PRKCSH: variants seen among roughly 807,000 people sequenced by gnomAD.
The protein encoded by PRKCSH is glucosidase 2 subunit beta.
A neutral mutation model predicts 79.7 loss-of-function variants in PRKCSH; 42 were observed. That is an observed-to-expected ratio of 0.53 (90% CI 0.41 to 0.68). PRKCSH has a LOEUF of 0.68. Among genes scored for constraint, PRKCSH ranks in the 30% least tolerant of loss-of-function variants. PRKCSH has a pLI of 0.00. For missense variants in PRKCSH, 686 were observed against 709.0 expected, an observed-to-expected ratio of 0.97 and a Z score of 0.37; for synonymous variants, 325 against 288.2, an observed-to-expected ratio of 1.13 and a Z score of -1.29.
At chr19:11,443,871 G>A (rs996900452) in intron 7 of PRKCSH, among the ~76,000 whole-genome samples, 10 of 151,986 alleles carry the variant, frequency 6.6e-5, no homozygotes, top group Non-Finnish European at 1.5e-4. Flanking sequence ...TACCTCCTGG[G>A]TTCAAGTGAT....
At chr19:11,443,560 A>T (rs79332927) in intron 7 of PRKCSH, among the ~76,000 whole-genome samples, 1 of 149,882 alleles carries the variant, frequency 6.7e-6, no homozygotes, top group East Asian at 2.0e-4. Flanking sequence ...AAAAAAAAAA[A>T]TTAGCCTGGC....
intron 3 of PRKCSH, among the ~76,000 whole-genome samples, chr19:11,437,583 C>T (rs1312686545): frequency 2.0e-5 from 3 of 151,752 alleles, no homozygotes; most frequent in Non-Finnish European, 4.4e-5. Context: ...AAACTCATCA[C>T]CTCAGGTGAC....
In PRKCSH at chr19:11,436,163, G is replaced by C; in HGVS notation, c.46G>C (p.Glu16Gln). 1 of 1,599,762 alleles carries C rather than the reference G, an allele frequency of 6.3e-7. No homozygotes were observed. The highest frequency in any genetic ancestry group is 8.5e-7 in the Non-Finnish European group (1 of 1,174,690). ...LLLLPMCWAV[E>Q]VKRPRGVSLT... is the part of the protein sequence containing the mutation. ...GCTGCTACCCATGTGCTGGGCCGTG[G>C]AGGTCAAGAGGCCCCGGGGCGTCTC... The change falls in exon 2 of 18, where the codon GAG becomes CAG. Residue 16 changes from glutamate (E) to glutamine (Q), a missense_variant. By Grantham distance (29) the Glu-to-Gln change is conservative. Coordinates refer to ENST00000677123, the MANE Select transcript of PRKCSH (RefSeq NM_001289104.2).
In PRKCSH at chr19:11,449,102, A is replaced by T. The variant is rs767813370; in HGVS notation, c.1388A>T (p.Asp463Val). ...ACCTGGGGCTCATGGATTGGCCCCG[A>T]CCACGACAAGTTCAGTGCCATGAAG... ...LGTWGSWIGP[D>V]HDKFSAMKYE... The change falls in exon 16 of 18, where the codon GAC (aspartate) becomes GTC (valine). Residue 463 changes from aspartate (D) to valine (V), a missense_variant. Around this residue, in one of 2 missense-constraint regions of PRKCSH, gnomAD observed 137 missense variants for 188.8 expected, o/e 0.73. Transcript: ENST00000677123. This position sits in a 1 kb window ranked among gnomAD's most constrained non-coding sequence, Gnocchi z 6.4. 1 of 1,613,576 alleles carries T rather than the reference A, an allele frequency of 6.2e-7. No homozygotes were observed. Among genetic ancestry groups the T allele is most frequent in the South Asian group, 1.1e-5 (1 of 91,086 alleles).
In PRKCSH at chr19:11,440,059, A is replaced by G. The variant is rs567727880; in HGVS notation, c.351-1181A>G. Among the ~76,000 whole-genome samples, 379 of 152,144 alleles carry G rather than the reference A, an allele frequency of 2.5e-3. 1 individual carries two copies. The highest frequency in any genetic ancestry group is 8.5e-3 in the African/African-American group (353 of 41,544). The stretch of plus-strand genomic sequence containing the variant: ...AAAAAGTAAAAAAAAAACAAAAAAA[A>G]CACAAAGTCCTATCAGTTGTTGGCA... On this transcript the variant is annotated intron_variant, in intron 5 of 17. Coordinates refer to ENST00000677123, the MANE Select transcript of PRKCSH (RefSeq NM_001289104.2).
In PRKCSH at chr19:11,449,907, C is replaced by T. The variant is rs539131815; in HGVS notation, c.*16+479C>T. Reference sequence around the variant, plus strand: ...GGCTGGAATGTGGAATGCAATGGCGCGATCTCGGCTCACTGCAACCTCCAC... The same window carrying T: ...GGCTGGAATGTGGAATGCAATGGCGTGATCTCGGCTCACTGCAACCTCCAC... On this transcript the variant is annotated intron_variant, in intron 17 of 17. Transcript: ENST00000677123. This position sits in a 1 kb window ranked among gnomAD's most constrained non-coding sequence, Gnocchi z 6.4. The T allele has an allele frequency of 2.6e-5, 5 of 195,178 alleles. No homozygotes were observed. The highest frequency in any genetic ancestry group is 1.8e-4 in the South Asian group (2 of 10,884). The allele number at this position is 195,178 out of a possible 1,614,324, so 12.1% of individuals were successfully genotyped here.
At chr19:11,443,503 G>A (rs1353544162) in intron 7 of PRKCSH, among the ~76,000 whole-genome samples, 2 of 150,232 alleles carry the variant, frequency 1.3e-5, no homozygotes, top group Admixed American at 6.7e-5. Context: ...CTGAGATTGC[G>A]CCCCTATATT....
At position 11,448,235 on chromosome 19, in the gene PRKCSH, C is replaced by A; in HGVS notation, c.1140C>A (p.Ala380=). The change falls in exon 13 of 18, where the codon GCC becomes GCA. Residue 380 remains alanine (A), a synonymous_variant. Transcript: ENST00000677123. The surrounding 1 kb of genome is among the most constrained non-coding windows in gnomAD (Gnocchi z 4.4). ...CCCCTCTCCCAGCTGCCCAGGAGGC[C>A]CGCAACAAGTTCGAGGAGGCCGAGC... ...TQAFIDAAQE[A]RNKFEEAERS... is the part of the protein sequence containing the mutation. 6.4e-7 allele frequency: 1 copy of A among 1,561,734 alleles called. No homozygotes were observed. The highest frequency in any genetic ancestry group is 8.7e-7 in the Non-Finnish European group (1 of 1,152,568).
chr19:11,436,142 C>G lies in PRKCSH; in HGVS notation c.25C>G (p.Leu9Val). 6.2e-7 allele frequency: 1 copy of G among 1,607,726 alleles called. No homozygotes were observed. The highest frequency in any genetic ancestry group is 8.5e-7 in the Non-Finnish European group (1 of 1,178,678). The change falls in exon 2 of 18, where the codon CTA (leucine) becomes GTA (valine). Residue 9 changes from leucine (L) to valine (V), a missense_variant. Transcript: ENST00000677123. The part of the protein sequence containing the change: MLLPLLLL[L>V]PMCWAVEVKR... ...GATGCTGTTGCCGCTGCTGCTGCTG[C>G]TACCCATGTGCTGGGCCGTGGAGGT...
chr19:11,447,603 G>C lies in PRKCSH; in HGVS notation c.1014G>C (p.Gln338His). The C allele has an allele frequency of 6.3e-7, 1 of 1,589,510 alleles. No individual in the cohort carries two copies. Among genetic ancestry groups the C allele is most frequent in the Non-Finnish European group, 8.6e-7 (1 of 1,168,332 alleles). The change falls in exon 11 of 18, where the codon CAG becomes CAC. Residue 338 changes from glutamine (Q) to histidine (H), a missense_variant. Around this residue, in one of 2 missense-constraint regions of PRKCSH, gnomAD observed 549 missense variants for 520.2 expected, o/e 1.06. Transcript: ENST00000677123. This position sits in a 1 kb window ranked among gnomAD's most constrained non-coding sequence, Gnocchi z 5.6. ...AGGAGGAGGAGGATTCCGAGGTGCA[G>C]GGGGAGCAGCCCAAGGTCCGTGTTT... ...EEEEEEDSEV[Q>H]GEQPKEAPPP...
In PRKCSH at chr19:11,447,762, G is replaced by C; in HGVS notation, c.1099G>C (p.Asp367His). The C allele has an allele frequency of 6.3e-7, 1 of 1,590,544 alleles. No homozygotes were observed. Residue 367 changes from aspartate to histidine, a missense_variant, in exon 12 of 18, where the codon GAC (aspartate) becomes CAC (histidine). Around this residue, in one of 2 missense-constraint regions of PRKCSH, gnomAD observed 549 missense variants for 520.2 expected, o/e 1.06. Transcript: ENST00000677123. The surrounding 1 kb of genome is among the most constrained non-coding windows in gnomAD (Gnocchi z 5.6). The part of the protein sequence containing the change: ...PAEEDKMPPY[D>H]EQTQAFIDAA... ...TGAGGAAGACAAAATGCCGCCCTAC[G>C]ACGAGCAGACGCAGGCCTTCATCGA...
At chr19:11,435,733 G>A (rs1479376220) in intron 1 of PRKCSH, 27 bp downstream of exon 1, 7 of 1,344,100 alleles carry the variant, frequency 5.2e-6, no homozygotes, top group Admixed American at 4.4e-5. Flanking sequence ...GGGTGGGAGG[G>A]CACCTCAGTT....
chr19:11,440,304 C>T (rs1420209181), intron 5 of PRKCSH, among the ~76,000 whole-genome samples: 1 of 151,644 alleles, frequency 6.6e-6, no homozygotes, highest in Non-Finnish European at 1.5e-5. Flanking sequence ...CCTGCCGCTA[C>T]ACCTGGCTAA....
At position 11,439,605 on chromosome 19, in the gene PRKCSH, C is replaced by CTT. The variant is rs758607686; in HGVS notation, c.350+1507_350+1508dup. On this transcript the variant is annotated intron_variant, in intron 5 of 17. Coordinates refer to ENST00000677123, the MANE Select transcript of PRKCSH (RefSeq NM_001289104.2). ...CCCGTCTCAGAAAAATTTTTCTTTT[C>CTT]TTTTTTTTTTTTTTTTTTTTTTTTT... 8.3e-3 allele frequency among the ~76,000 whole-genome samples: 570 copies of CTT among 68,848 alleles called. 33 individuals carry two copies. The highest frequency in any genetic ancestry group is 0.029 in the African/African-American group (512 of 17,506). 45.2% of individuals were successfully genotyped at this position (68,848 alleles called of 152,430 possible). A position where few individuals can be genotyped will look rare whatever the true frequency, so the allele number is the denominator to read the frequency against.
Position 11,448,115 on chromosome 19 carries a change from C to A in PRKCSH, c.1127-107C>A. 1 of 1,252,094 alleles carries A rather than the reference C, an allele frequency of 8.0e-7. No individual in the cohort carries two copies. The highest frequency in any genetic ancestry group is 1.1e-6 in the Non-Finnish European group (1 of 875,858). 77.6% of individuals were successfully genotyped at this position (1,252,094 alleles called of 1,614,324 possible). ...AGGCTGTCGGGGTGAAGTCCTTGGC[C>A]AGAGCAAAATGAGGGTATGGGAGCA... On this transcript the variant is annotated intron_variant, in intron 12 of 17. Transcript: ENST00000677123. This position sits in a 1 kb window ranked among gnomAD's most constrained non-coding sequence, Gnocchi z 4.4.
chr19:11,439,375 A>G (rs371711165), intron 5 of PRKCSH, among the ~76,000 whole-genome samples: 6 of 151,994 alleles, frequency 3.9e-5, no homozygotes, highest in Admixed American at 3.9e-4. Flanking sequence ...GTTTGAGACC[A>G]GCCTGGGCAA....
At chr19:11,444,134 T>G (rs1345513071) in intron 7 of PRKCSH, among the ~76,000 whole-genome samples, 1 of 152,200 alleles carries the variant, frequency 6.6e-6, no homozygotes, top group Non-Finnish European at 1.5e-5. Context: ...AGCCTGGTGT[T>G]TTTTGGTAAG....
At chr19:11,446,193 C>G in intron 8 of PRKCSH, 79 bp from the exon 9 acceptor site, 1 of 1,495,992 alleles carries the variant, frequency 6.7e-7, no homozygotes, top group Non-Finnish European at 9.2e-7. Context: ...CAGGGAAGAA[C>G]AGGTGGGCCA....
chr19:11,448,689 G>C lies in PRKCSH; in HGVS notation c.1286+60G>C, dbSNP rs971929661. Reference sequence around the variant, plus strand: ...GGGTGGGAGGCGGGTGGCCCCGGAAGTGGCACCGGCAGTTTCCTGATGGTT... The same window carrying C: ...GGGTGGGAGGCGGGTGGCCCCGGAACTGGCACCGGCAGTTTCCTGATGGTT... On this transcript the variant is annotated intron_variant, in intron 14 of 17. Transcript: ENST00000677123. This position sits in a 1 kb window ranked among gnomAD's most constrained non-coding sequence, Gnocchi z 4.4. 1.6e-5 allele frequency: 24 copies of C among 1,518,558 alleles called. No individual in the cohort carries two copies. In the African/African-American group the frequency reaches 2.2e-4, roughly 14 times the overall value. 94.1% of individuals were successfully genotyped at this position (1,518,558 alleles called of 1,614,324 possible). A position where few individuals can be genotyped will look rare whatever the true frequency, so the allele number is the denominator to read the frequency against.
Sources: allele counts gnomAD v4.1 joint callset (sites outside exome capture counted in the v4.1 genomes callset), GRCh38; gene constraint gnomAD v4.1.1; regional missense constraint gnomAD v4.1.1; non-coding constraint Gnocchi (gnomAD v3.1); transcripts MANE v1.5; gene names NCBI Gene and HGNC (gene_info 2026-07-23, HGNC 2026-07-21).